SLC35E2B: variants seen among roughly 807,000 people sequenced by gnomAD.
SLC35E2B encodes the protein solute carrier family 35 member E2B.
In SLC35E2B, 18 loss-of-function variants were observed where a neutral mutation model predicts 32.4. The ratio of observed to expected loss-of-function variants is 0.56; its 90% confidence interval spans 0.38 to 0.82. SLC35E2B has a LOEUF of 0.82. Among genes scored for constraint, SLC35E2B ranks in the 40% least tolerant of loss-of-function variants. SLC35E2B has a pLI of 0.00. For missense variants in SLC35E2B, 263 were observed against 469.5 expected (o/e 0.56, Z 4.06); for synonymous variants, 132 against 209.1 (o/e 0.63, Z 3.18).
intron 2 of SLC35E2B, among the ~76,000 whole-genome samples, chr1:1,689,421 G>A (rs3737622): frequency 0.32 from 47,936 of 151,000 alleles, 9,868 homozygotes; most frequent in East Asian, 0.53. Flanking sequence ...ATAGCCCTCT[G>A]GGGAAGGTGC....
At chr1:1,671,471 G>T (rs762948138) in intron 6 of SLC35E2B, 38 bp downstream of exon 6, 3 of 1,405,104 alleles carry the variant, frequency 2.1e-6, no homozygotes, top group Non-Finnish European at 2.8e-6. Context: ...TGAGCACCGG[G>T]TCTCGTCCCC....
At position 1,675,527 on chromosome 1, in the gene SLC35E2B, C is replaced by G; in HGVS notation, c.522G>C (p.Thr174=). The change falls in exon 5 of 10, where the codon ACG becomes ACC. Residue 174 remains threonine (T), a synonymous_variant. Transcript: ENST00000617444. ...LKNVAVSFAE[T]VKSSAPIFTV... is the part of the protein sequence containing the mutation. Reference sequence around the variant, plus strand: ...TGAAGATGGGGGCGGAGCTCTTCACCGTCTCAGCAAACGAAACCGCCACAT... The same window carrying G: ...TGAAGATGGGGGCGGAGCTCTTCACGGTCTCAGCAAACGAAACCGCCACAT... 1 of 1,564,798 alleles carries G rather than the reference C, an allele frequency of 6.4e-7. No homozygotes were observed. The highest frequency in any genetic ancestry group is 2.3e-5 in the East Asian group (1 of 43,698).
At chr1:1,688,825 G>A (rs1461194614) in intron 2 of SLC35E2B, among the ~76,000 whole-genome samples, 1 of 152,092 alleles carries the variant, frequency 6.6e-6, no homozygotes, top group African/African-American at 2.4e-5. Context: ...AGGACTTCTA[G>A]TTCAGTCTGA....
Position 1,663,259 on chromosome 1 carries a change from G to A in SLC35E2B, c.*2523C>T, listed in dbSNP as rs1349349912. 2.0e-6 allele frequency: 2 copies of A among 980,056 alleles called. No homozygotes were observed. Among genetic ancestry groups the A allele is most frequent in the South Asian group, 4.7e-5 (1 of 21,126 alleles). The allele number at this position is 980,056 out of a possible 1,614,324, so 60.7% of individuals were successfully genotyped here. A position where few individuals can be genotyped will look rare whatever the true frequency, so the allele number is the denominator to read the frequency against. ...AATCCAAACAGGATGGCAGCTCCTTGTGAGGGTGGAGGGGAGGGCACCAGA... is the reference window on the plus strand; with the variant it reads ...AATCCAAACAGGATGGCAGCTCCTTATGAGGGTGGAGGGGAGGGCACCAGA... On this transcript the variant is annotated 3_prime_UTR_variant, in exon 10 of 10. Coordinates refer to ENST00000617444, the MANE Select transcript of SLC35E2B (RefSeq NM_001290264.2).
rs188551440 is a variant in SLC35E2B, at chr1:1,678,233, T to C, written c.-147-1387A>G. Among the ~76,000 whole-genome samples, 3 of 152,230 alleles carry C rather than the reference T, an allele frequency of 2.0e-5. No individual in the cohort carries two copies. The East Asian group carries it at 5.8e-4, about 30-fold the overall frequency. ...TTTATGCACTTGCGTGCGTGCCATA[T>C]GTATACATAAATATTCTGTGTTCAC... On this transcript the variant is annotated intron_variant, in intron 2 of 9. Coordinates refer to ENST00000617444, the MANE Select transcript of SLC35E2B (RefSeq NM_001290264.2).
chr1:1,690,163 C>T (rs1376712329), intron 2 of SLC35E2B, among the ~76,000 whole-genome samples: 1 of 150,070 alleles, frequency 6.7e-6, no homozygotes, highest in Non-Finnish European at 1.5e-5. Flanking sequence ...GCCTTTAACC[C>T]CAGCTGCTCA....
chr1:1,681,684 T>C (rs1211506738), intron 2 of SLC35E2B, among the ~76,000 whole-genome samples: 1 of 150,974 alleles, frequency 6.6e-6, no homozygotes, highest in Non-Finnish European at 1.5e-5. Flanking sequence ...TTTTTGTACT[T>C]TTAGAAGAGA....
At chr1:1,683,255 C>A (rs1643915380) in intron 2 of SLC35E2B, among the ~76,000 whole-genome samples, 1 of 152,140 alleles carries the variant, frequency 6.6e-6, no homozygotes, top group Non-Finnish European at 1.5e-5. Context: ...AGCCGTCCCC[C>A]TGGGGAGAGT....
Position 1,665,720 on chromosome 1 carries a change from C to G in SLC35E2B, c.*62G>C. 3.3e-6 allele frequency: 5 copies of G among 1,532,376 alleles called. No homozygotes were observed. Among genetic ancestry groups the G allele is most frequent in the Non-Finnish European group, 4.4e-6 (5 of 1,134,990 alleles). The allele number at this position is 1,532,376 out of a possible 1,614,324, so 94.9% of individuals were successfully genotyped here. A position where few individuals can be genotyped will look rare whatever the true frequency, so the allele number is the denominator to read the frequency against. On this transcript the variant is annotated 3_prime_UTR_variant, in exon 10 of 10. Coordinates refer to ENST00000617444, the MANE Select transcript of SLC35E2B (RefSeq NM_001290264.2). ...CCAGCAGGGCCATGGAGGAGGGCGTCCCTGCCCATTTCTGGGGGATGCAGT... is the reference window on the plus strand; with the variant it reads ...CCAGCAGGGCCATGGAGGAGGGCGTGCCTGCCCATTTCTGGGGGATGCAGT...
intron 5 of SLC35E2B, among the ~76,000 whole-genome samples, chr1:1,674,789 C>G (rs1477504213): frequency 5.9e-5 from 9 of 152,106 alleles, no homozygotes; most frequent in African/African-American, 2.4e-5. Flanking sequence ...CAGACAGACA[C>G]TTCCCTCGGC....
At chr1:1,667,534 C>T (rs189871735) in intron 9 of SLC35E2B, among the ~76,000 whole-genome samples, 129 of 152,296 alleles carry the variant, frequency 8.5e-4, no homozygotes, top group Middle Eastern at 3.4e-3. Flanking sequence ...CTGCACCGCA[C>T]GGCACAGGAA....
intron 5 of SLC35E2B, chr1:1,672,117 ACTT>A (rs561774716): frequency 6.5e-6 from 1 of 152,674 alleles, no homozygotes; most frequent in Admixed American, 6.5e-5. Flanking sequence ...TAATCCCAGC[ACTT>A]TGGGAGGCTG....
chr1:1,686,774 A>C (rs994995502), intron 2 of SLC35E2B, among the ~76,000 whole-genome samples: 3 of 151,600 alleles, frequency 2.0e-5, no homozygotes, highest in African/African-American at 7.3e-5. Flanking sequence ...AAAAATAAAA[A>C]GGCCAGGCAC....
chr1:1,679,310 C>G (rs927287895), intron 2 of SLC35E2B, among the ~76,000 whole-genome samples: 6 of 152,186 alleles, frequency 3.9e-5, no homozygotes, highest in African/African-American at 1.4e-4. Flanking sequence ...CCAGAACAGT[C>G]TGTCCACTTA....
At chr1:1,670,224 C>A in intron 6 of SLC35E2B, 73 bp from the exon 7 acceptor site, 1 of 1,121,756 alleles carries the variant, frequency 8.9e-7, no homozygotes, top group Non-Finnish European at 1.3e-6. Context: ...AAGGTGTCTG[C>A]GCTCACACGG....
intron 2 of SLC35E2B, among the ~76,000 whole-genome samples, chr1:1,679,473 T>C (rs2101109346): frequency 6.6e-6 from 1 of 152,006 alleles, no homozygotes; most frequent in South Asian, 2.1e-4. Context: ...TCACAATTAG[T>C]GGAAACAAAA....
In SLC35E2B at chr1:1,665,683, A is replaced by G. The variant is rs1570306439; in HGVS notation, c.*99T>C. On this transcript the variant is annotated 3_prime_UTR_variant, in exon 10 of 10. Coordinates refer to ENST00000617444, the MANE Select transcript of SLC35E2B (RefSeq NM_001290264.2). ...CAGGCAATGGCCAACTTAGCTCCCC[A>G]TGTCCTGCACCCCAGCAGGGCCATG... is the stretch of plus-strand genomic sequence containing the variant. 4.7e-6 allele frequency: 7 copies of G among 1,475,104 alleles called. No individual in the cohort carries two copies. The highest frequency in any genetic ancestry group is 2.3e-4 in the Middle Eastern group (1 of 4,282). The allele number at this position is 1,475,104 out of a possible 1,614,324, so 91.4% of individuals were successfully genotyped here.
At chr1:1,670,814 G>A (rs1394173295) in intron 6 of SLC35E2B, 1 of 152,166 alleles carries the variant, frequency 6.6e-6, no homozygotes, top group Non-Finnish European at 1.5e-5. Context: ...ACCAGTGGTG[G>A]TGTCTTTTCC....
chr1:1,670,761 C>A (rs1643667261), intron 6 of SLC35E2B: 1 of 152,248 alleles, frequency 6.6e-6, no homozygotes, highest in African/African-American at 2.4e-5. Flanking sequence ...AATCTCACCA[C>A]AAACCTGTTT....
Sources: allele counts gnomAD v4.1 joint callset (sites outside exome capture counted in the v4.1 genomes callset), GRCh38; gene constraint gnomAD v4.1.1; transcripts MANE v1.5; gene names NCBI Gene and HGNC (gene_info 2026-07-23, HGNC 2026-07-21).